Variants in SCN8A observed in about 807,000 individuals in gnomAD.
The protein encoded by SCN8A is sodium channel protein type 8 subunit alpha.
SCN8A carries 30 observed loss-of-function variants against 184.1 expected under a neutral mutation model. The ratio of observed to expected loss-of-function variants is 0.16; its 90% CI spans 0.12 to 0.22. SCN8A has a LOEUF of 0.22. Among genes scored for constraint, SCN8A ranks in the 10% least tolerant of loss-of-function variants. SCN8A has a pLI of 1.00. For missense variants in SCN8A, 1,057 were observed against 2,498.9 expected (o/e 0.42, Z 12.30); for synonymous variants, 852 against 907.0 (o/e 0.94, Z 1.09).
intron 14 of SCN8A, among the ~76,000 whole-genome samples, chr12:51,754,248 A>G (rs1431084343): frequency 6.6e-6 from 1 of 152,110 alleles, no homozygotes; most frequent in African/African-American, 2.4e-5. Flanking sequence ...ACTGAATACA[A>G]TAGTAAGTTT....
intron 9 of SCN8A, among the ~76,000 whole-genome samples, chr12:51,704,073 A>G (rs191842616): frequency 2.7e-4 from 41 of 151,808 alleles, no homozygotes; most frequent in African/African-American, 9.6e-4. Flanking sequence ...TGTATTTTTA[A>G]TAGAGACGGG....
chr12:51,662,444 T>A (rs894706571), intron 1 of SCN8A, among the ~76,000 whole-genome samples: 1 of 152,154 alleles, frequency 6.6e-6, no homozygotes, highest in Admixed American at 6.5e-5. Flanking sequence ...TAATGTTACA[T>A]AGTCCTTATT....
rs1938180827 is a variant in SCN8A, at chr12:51,789,444, T to G, written c.4419+26T>G. 3.7e-6 allele frequency: 6 copies of G among 1,612,342 alleles called. No individual in the cohort carries two copies. In the African/African-American group the frequency reaches 5.3e-5, roughly 14 times the overall value. The stretch of plus-strand genomic sequence containing the variant: ...ATAGGTCTCCTCCCCTCATTGCCAG[T>G]GGTTGGAAGTCAGCCCAGATAAGAG... On this transcript the variant is annotated intron_variant, in intron 24 of 26. Transcript: ENST00000627620.
chr12:51,776,856 T>A (rs1937719982), intron 20 of SCN8A, among the ~76,000 whole-genome samples: 1 of 152,246 alleles, frequency 6.6e-6, no homozygotes, highest in South Asian at 2.1e-4. Context: ...CTAATTGATT[T>A]TCATTCTTCC....
chr12:51,674,101 T>C (rs185548125), intron 2 of SCN8A, among the ~76,000 whole-genome samples: 1 of 152,284 alleles, frequency 6.6e-6, no homozygotes, highest in East Asian at 1.9e-4. Flanking sequence ...TGTGGTTTGG[T>C]AAGACAGGAG....
At chr12:51,611,255 A>G (rs1362195819) in intron 1 of SCN8A, among the ~76,000 whole-genome samples, 1 of 148,734 alleles carries the variant, frequency 6.7e-6, no homozygotes, top group East Asian at 2.0e-4. Context: ...TCCGCCTCCC[A>G]GGTTCACGCC....
chr12:51,591,533 C>T (rs1016045486), intron 1 of SCN8A, among the ~76,000 whole-genome samples, 174 bp downstream of exon 1: 8 of 152,282 alleles, frequency 5.3e-5, no homozygotes, highest in African/African-American at 1.7e-4. Flanking sequence ...TTGTTTTGGA[C>T]AGGTGTTTGG....
At chr12:51,732,571 A>G (rs1942260845) in intron 12 of SCN8A, among the ~76,000 whole-genome samples, 1 of 152,162 alleles carries the variant, frequency 6.6e-6, no homozygotes, top group Admixed American at 6.5e-5. Context: ...GTGATTTTAT[A>G]TAAATTTTAG....
intron 1 of SCN8A, among the ~76,000 whole-genome samples, chr12:51,612,159 T>TCTTTG (rs1378342668): frequency 1.3e-5 from 2 of 152,156 alleles, no homozygotes; most frequent in African/African-American, 2.4e-5. Flanking sequence ...CTGCTTGTTT[T>TCTTTG]TTTTGTTTTG....
At chr12:51,602,913 A>G (rs961255414) in intron 1 of SCN8A, among the ~76,000 whole-genome samples, 1 of 152,250 alleles carries the variant, frequency 6.6e-6, no homozygotes, top group African/African-American at 2.4e-5. Context: ...GTTCTAGCTC[A>G]TGAATGGCAA....
chr12:51,689,349 C>T (rs373505964), intron 6 of SCN8A: 1 of 417,088 alleles, frequency 2.4e-6, no homozygotes, highest in Non-Finnish European at 4.3e-6. Flanking sequence ...TTGGATCTCA[C>T]CATATTTGAA....
At chr12:51,730,807 T>C (rs894799407) in intron 12 of SCN8A, among the ~76,000 whole-genome samples, 5 of 152,208 alleles carry the variant, frequency 3.3e-5, no homozygotes, top group Non-Finnish European at 7.3e-5. Flanking sequence ...ATTCTTACTT[T>C]CTAACAATTT....
intron 1 of SCN8A, among the ~76,000 whole-genome samples, chr12:51,624,663 T>C (rs569339012): frequency 6.6e-6 from 1 of 152,320 alleles, no homozygotes; most frequent in South Asian, 2.1e-4. Flanking sequence ...TTGCTTTTGG[T>C]GTTTTAGACA....
At chr12:51,657,479 T>A (rs1016298597) in intron 1 of SCN8A, among the ~76,000 whole-genome samples, 3 of 152,118 alleles carry the variant, frequency 2.0e-5, no homozygotes, top group African/African-American at 7.2e-5. Flanking sequence ...AATTGAATTA[T>A]TTAGTCTTTT....
At chr12:51,759,769 T>C (rs1214060875) in intron 14 of SCN8A, among the ~76,000 whole-genome samples, 1 of 152,216 alleles carries the variant, frequency 6.6e-6, no homozygotes, top group Non-Finnish European at 1.5e-5. Flanking sequence ...GTCTAAGTAA[T>C]GTTACCACAA....
At chr12:51,619,230 G>A (rs1378420987) in intron 1 of SCN8A, among the ~76,000 whole-genome samples, 7 of 152,118 alleles carry the variant, frequency 4.6e-5, no homozygotes, top group African/African-American at 1.7e-4. Flanking sequence ...CTTTTTAGCA[G>A]CTGTGCAGAA....
Position 51,636,029 on chromosome 12 carries a change from C to G in SCN8A, c.-54-26735C>G, listed in dbSNP as rs566103099. On this transcript the variant is annotated intron_variant, in intron 1 of 26. Transcript: ENST00000627620. ...GTTTGTTTTGAGACGCAATCTCGCT[C>G]TGTCGCCCAGGCTGGAGTGCAATGG... Among the ~76,000 whole-genome samples, 45 of 152,318 alleles carry G rather than the reference C, an allele frequency of 3.0e-4. 1 individual carries two copies. Among genetic ancestry groups the G allele is most frequent in the Admixed American group, 1.2e-3 (19 of 15,304 alleles).
At chr12:51,668,143 A>G (rs1427748015) in intron 2 of SCN8A, among the ~76,000 whole-genome samples, 1 of 150,640 alleles carries the variant, frequency 6.6e-6, no homozygotes, top group Admixed American at 6.7e-5. Context: ...AGATCACGCC[A>G]TCGCACTCCA....
At chr12:51,688,695 C>A in intron 5 of SCN8A, 1 of 1,148,058 alleles carries the variant, frequency 8.7e-7, no homozygotes, top group Non-Finnish European at 1.3e-6. Flanking sequence ...CCCTTTCTTC[C>A]CCCCATTCTC....
Sources: allele counts gnomAD v4.1 joint callset (sites outside exome capture counted in the v4.1 genomes callset), GRCh38; gene constraint gnomAD v4.1.1; transcripts MANE v1.5; gene names NCBI Gene and HGNC (gene_info 2026-07-23, HGNC 2026-07-21).